CTNNA2: variants seen among roughly 807,000 people sequenced by gnomAD.
The protein encoded by CTNNA2 is catenin alpha 2, also known as catenin alpha-2.
CTNNA2 carries 42 observed loss-of-function variants against 101.0 expected under a neutral mutation model. The observed-to-expected ratio is 0.42, with a 90% CI of 0.32 to 0.54. The LOEUF (loss-of-function observed/expected upper bound fraction) is 0.54. Among genes scored for constraint, CTNNA2 ranks in the 20% least tolerant of loss-of-function variants. The pLI is 0.14. For synonymous variants in CTNNA2, 450 were observed against 456.4 expected, an observed-to-expected ratio of 0.99 and a Z score of 0.18; for missense variants, 871 against 1,223.1, an observed-to-expected ratio of 0.71 and a Z score of 4.29.
chr2:80,469,196 T>C (rs1317726547), intron 9 of CTNNA2, among the ~76,000 whole-genome samples: 1 of 152,184 alleles, frequency 6.6e-6, no homozygotes, highest in African/African-American at 2.4e-5. Flanking sequence ...GTTTTGGTCA[T>C]TTTGCTAACA....
At chr2:80,306,754 G>A (rs891866273) in intron 7 of CTNNA2, among the ~76,000 whole-genome samples, 1 of 151,624 alleles carries the variant, frequency 6.6e-6, no homozygotes, top group Non-Finnish European at 1.5e-5. Flanking sequence ...GCCATTCAGC[G>A]AGTACTGTGA....
intron 7 of CTNNA2, among the ~76,000 whole-genome samples, chr2:80,327,636 C>T (rs1330816454): frequency 6.6e-6 from 1 of 152,118 alleles, no homozygotes; most frequent in Non-Finnish European, 1.5e-5. Flanking sequence ...TTGGAAACAA[C>T]GAGGACGTGT....
chr2:80,372,096 G>T (rs1056187007), intron 7 of CTNNA2, among the ~76,000 whole-genome samples: 6 of 152,042 alleles, frequency 3.9e-5, no homozygotes, highest in Non-Finnish European at 8.8e-5. Context: ...AATTTTGAAG[G>T]AATCATCTCC....
At chr2:79,493,208 AAGAAAAACAGG>A (rs376142615) in intron 4 of CTNNA2, among the ~76,000 whole-genome samples, 17 of 152,270 alleles carry the variant, frequency 1.1e-4, no homozygotes, top group African/African-American at 4.1e-4. Context: ...AGTAAGTAGA[AAGAAAAACAGG>A]AGGGAAGGGG....
chr2:79,476,802 G>C (rs1254730971), intron 4 of CTNNA2, among the ~76,000 whole-genome samples: 2 of 152,120 alleles, frequency 1.3e-5, no homozygotes, highest in African/African-American at 4.8e-5. Context: ...GGCTACCTTT[G>C]CCATCCCATT....
intron 3 of CTNNA2, among the ~76,000 whole-genome samples, chr2:79,321,496 A>G (rs1164173271): frequency 1.3e-5 from 2 of 152,204 alleles, no homozygotes; most frequent in Non-Finnish European, 2.9e-5. Context: ...TTTATGAAAA[A>G]GTTGGATATA....
intron 7 of CTNNA2, among the ~76,000 whole-genome samples, chr2:80,153,224 TTTCCC>T (rs1384353651): frequency 2.6e-5 from 4 of 152,218 alleles, no homozygotes; most frequent in Non-Finnish European, 4.4e-5. Context: ...GGTGCCATTG[TTTCCC>T]TCTATTAGTG....
intron 3 of CTNNA2, among the ~76,000 whole-genome samples, chr2:79,318,922 G>A (rs955314296): frequency 1.2e-4 from 18 of 152,104 alleles, no homozygotes; most frequent in Non-Finnish European, 2.2e-4. Flanking sequence ...TAACCTCTTC[G>A]TTTAAACTAT....
At chr2:80,350,262 G>A (rs1468518217) in intron 7 of CTNNA2, among the ~76,000 whole-genome samples, 1 of 152,150 alleles carries the variant, frequency 6.6e-6, no homozygotes, top group African/African-American at 2.4e-5. Context: ...TGCCAACTGA[G>A]TCATTTGACA....
At chr2:79,894,533 C>T (rs917019485) in intron 6 of CTNNA2, among the ~76,000 whole-genome samples, 4 of 152,204 alleles carry the variant, frequency 2.6e-5, no homozygotes, top group Non-Finnish European at 2.9e-5. Flanking sequence ...TTGTATTCCA[C>T]ATTCTGCCGT....
intron 7 of CTNNA2, among the ~76,000 whole-genome samples, chr2:80,017,968 G>C (rs1694271101): frequency 6.6e-6 from 1 of 151,804 alleles, no homozygotes; most frequent in Non-Finnish European, 1.5e-5. Flanking sequence ...GTTCAATTAA[G>C]ATAATAGATG....
intron 7 of CTNNA2, among the ~76,000 whole-genome samples, chr2:80,172,129 C>T (rs1157230492): frequency 6.6e-6 from 1 of 152,088 alleles, no homozygotes; most frequent in Non-Finnish European, 1.5e-5. Flanking sequence ...CTCGGGGACC[C>T]CTGCAGTTGG....
intron 3 of CTNNA2, among the ~76,000 whole-genome samples, chr2:79,336,437 C>T (rs766792168): frequency 6.6e-6 from 1 of 152,118 alleles, no homozygotes; most frequent in Non-Finnish European, 1.5e-5. Flanking sequence ...TGCCATATGT[C>T]CATCTCCTAT....
Position 80,226,211 on chromosome 2 carries a change from A to G in CTNNA2, c.1057-167000A>G, listed in dbSNP as rs186394201. ...GTTAAAACAGCTCATTTGGATAATT[A>G]CAGTTGGTCTCTCTTAATAGGCCTG... On this transcript the variant is annotated intron_variant, in intron 7 of 18. Transcript: ENST00000402739. Among the ~76,000 whole-genome samples, 180 of 152,342 alleles carry G rather than the reference A, an allele frequency of 1.2e-3. 1 individual carries two copies. The highest frequency in any genetic ancestry group is 4.0e-3 in the African/African-American group (165 of 41,586).
chr2:79,752,940 C>T (rs1463807799), intron 3 of CTNNA2, among the ~76,000 whole-genome samples: 1 of 152,050 alleles, frequency 6.6e-6, no homozygotes, highest in African/African-American at 2.4e-5. Flanking sequence ...ATCTAGAAAG[C>T]AGGTAGGGAG....
At position 79,402,071 on chromosome 2, in the gene CTNNA2, C is replaced by T. The variant is rs1678295716; in HGVS notation, c.-135+28058C>T. Among the ~76,000 whole-genome samples the T allele has an allele frequency of 4.6e-5, 7 of 151,544 alleles. No individual in the cohort carries two copies. The South Asian group carries it at 1.5e-3, about 31-fold the overall frequency. ...AATTGTTACTAGAGGCAAAAAAGAA[C>T]ATCTTATAATAATAAAATAGTCTAT... On this transcript the variant is annotated intron_variant, in intron 4 of 21. Transcript: ENST00000466387.
chr2:79,681,144 G>A (rs966660203), intron 2 of CTNNA2, among the ~76,000 whole-genome samples: 5 of 152,142 alleles, frequency 3.3e-5, no homozygotes, highest in Admixed American at 1.3e-4. Context: ...GACAGAGTGA[G>A]ATCCTGTCTC....
intron 18 of CTNNA2, among the ~76,000 whole-genome samples, chr2:80,623,851 G>C (rs747092707): frequency 6.6e-6 from 1 of 151,932 alleles, no homozygotes; most frequent in Non-Finnish European, 1.5e-5. Context: ...GTTAGAAGCA[G>C]TTTCAGAGTA....
chr2:79,691,493 A>G (rs144748670), intron 2 of CTNNA2, among the ~76,000 whole-genome samples: 141 of 151,764 alleles, frequency 9.3e-4, no homozygotes, highest in African/African-American at 3.2e-3. Flanking sequence ...CTTTCAGACT[A>G]TATTGAAAAA....
Sources: allele counts gnomAD v4.1 joint callset (sites outside exome capture counted in the v4.1 genomes callset), GRCh38; gene constraint gnomAD v4.1.1; transcripts MANE v1.5; gene names NCBI Gene and HGNC (gene_info 2026-07-23, HGNC 2026-07-21).